Variants in NXN observed in about 807,000 individuals in gnomAD.
NXN encodes nucleoredoxin.
In NXN, 16 loss-of-function variants were observed where a neutral mutation model predicts 48.6. The ratio of observed to expected loss-of-function variants is 0.33; its 90% confidence interval spans 0.22 to 0.50. NXN has a LOEUF of 0.50. NXN is among the 20% of genes least tolerant of loss of function. The probability of loss-of-function intolerance (pLI) is 0.98; values close to 1 mark genes in which losing one functional copy is unlikely to be tolerated. For synonymous variants in NXN, 281 were observed against 269.6 expected, an observed-to-expected ratio of 1.04 and a Z score of -0.41; for missense variants, 492 against 605.5, an observed-to-expected ratio of 0.81 and a Z score of 1.97.
intron 1 of NXN, among the ~76,000 whole-genome samples, chr17:964,361 T>C (rs1214429163): frequency 6.6e-6 from 1 of 152,166 alleles, no homozygotes; most frequent in Non-Finnish European, 1.5e-5. Flanking sequence ...CACTAATTTC[T>C]TCACAAGAAA....
chr17:944,176 T>C (rs1258207268), intron 1 of NXN, among the ~76,000 whole-genome samples: 2 of 151,906 alleles, frequency 1.3e-5, no homozygotes, highest in African/African-American at 2.4e-5. Context: ...GAGGCAGAGG[T>C]TGCAGTGAGC....
rs1346123509 is a variant in NXN at position 958,041 on chromosome 17, C to T, written c.360+21278G>A. On this transcript the variant is annotated intron_variant, in intron 1 of 7. Transcript: ENST00000336868. This position sits in a 1 kb window ranked among gnomAD's most constrained non-coding sequence, Gnocchi z 6.9. ...GTTCCAAACATGCATCCTCTCGCTC[C>T]ATCCTATACTTAGGCGCCTCGGCAG... is the stretch of plus-strand genomic sequence containing the variant. 6.6e-6 allele frequency among the ~76,000 whole-genome samples: 1 copy of T among 152,196 alleles called. No homozygotes were observed. The highest frequency in any genetic ancestry group is 1.5e-5 in the Non-Finnish European group (1 of 68,028).
At chr17:964,716 G>C (rs1037057331) in intron 1 of NXN, among the ~76,000 whole-genome samples, 1 of 152,122 alleles carries the variant, frequency 6.6e-6, no homozygotes, top group Non-Finnish European at 1.5e-5. Flanking sequence ...ACTTGTGTAA[G>C]AAAAGAAACC....
intron 1 of NXN, among the ~76,000 whole-genome samples, chr17:845,172 T>C (rs2067846207): frequency 6.6e-6 from 1 of 151,972 alleles, no homozygotes; most frequent in Admixed American, 6.6e-5. Flanking sequence ...ATCCACTGAA[T>C]TGAGAGTGAG....
intron 1 of NXN, among the ~76,000 whole-genome samples, chr17:963,503 G>C (rs905871298): frequency 7.9e-5 from 12 of 152,144 alleles, no homozygotes; most frequent in African/African-American, 2.7e-4. Context: ...TCAGGGGGCT[G>C]AGGTGGGAGG....
At chr17:886,812 C>T (rs1170458676) in intron 1 of NXN, among the ~76,000 whole-genome samples, 1 of 151,848 alleles carries the variant, frequency 6.6e-6, no homozygotes, top group African/African-American at 2.4e-5. Flanking sequence ...ATACCTCTTA[C>T]TACACTGGAT....
At chr17:833,141 T>C (rs1913587264) in intron 1 of NXN, among the ~76,000 whole-genome samples, 1 of 152,144 alleles carries the variant, frequency 6.6e-6, no homozygotes, top group South Asian at 2.1e-4. Flanking sequence ...TCCGCCCACC[T>C]CAGCCTCCCA....
At chr17:883,893 T>C (rs184093547) in intron 1 of NXN, among the ~76,000 whole-genome samples, 7 of 152,178 alleles carry the variant, frequency 4.6e-5, no homozygotes, top group Non-Finnish European at 1.0e-4. Context: ...GAGCAACATA[T>C]GCAGCCCCCA....
intron 1 of NXN, among the ~76,000 whole-genome samples, chr17:977,120 C>T (rs1400549270): frequency 1.3e-5 from 2 of 152,110 alleles, no homozygotes; most frequent in Non-Finnish European, 2.9e-5. Context: ...AGTATGTGTT[C>T]CATAAGAAGG....
At chr17:842,802 G>A (rs1017613699) in intron 1 of NXN, among the ~76,000 whole-genome samples, 3 of 152,144 alleles carry the variant, frequency 2.0e-5, no homozygotes, top group Non-Finnish European at 2.9e-5. Flanking sequence ...AGCTGGGCGT[G>A]GTTGCACACG....
At chr17:936,667 G>A (rs376731618) in intron 1 of NXN, among the ~76,000 whole-genome samples, 182 of 150,896 alleles carry the variant, frequency 1.2e-3, no homozygotes, top group African/African-American at 3.9e-3. Context: ...AGGGTGCTAC[G>A]ATGTCTGGCT....
At chr17:949,677 GTGGCCTCCTCCTCTCCCCC>G (rs1489835007) in intron 1 of NXN, among the ~76,000 whole-genome samples, 8 of 52,542 alleles carry the variant, frequency 1.5e-4, no homozygotes, top group Non-Finnish European at 2.6e-4. Flanking sequence ...TCCTCTCCCC[GTGGCCTCCTCCTCTCCCCC>G]CTGCCTCCTC....
At chr17:883,113 G>A (rs557361282) in intron 1 of NXN, among the ~76,000 whole-genome samples, 105 of 152,178 alleles carry the variant, frequency 6.9e-4, no homozygotes, top group Admixed American at 1.4e-3. Context: ...CTAGCTACTT[G>A]GGGAAGGCTA....
chr17:857,450 G>A (rs779379551), intron 1 of NXN, among the ~76,000 whole-genome samples: 1 of 152,030 alleles, frequency 6.6e-6, no homozygotes. Flanking sequence ...TAGTAGAGAC[G>A]GGGTTTTGCC....
At chr17:853,721 ATATTTTT>A (rs1385802148) in intron 1 of NXN, among the ~76,000 whole-genome samples, 50 of 105,144 alleles carry the variant, frequency 4.8e-4, no homozygotes, top group African/African-American at 2.1e-3. Flanking sequence ...ATATATATAT[ATATTTTT>A]TTTTTTTTTT....
intron 5 of NXN, among the ~76,000 whole-genome samples, chr17:815,994 G>A (rs985584934): frequency 1.3e-5 from 2 of 152,190 alleles, no homozygotes; most frequent in African/African-American, 2.4e-5. Flanking sequence ...GGGGAACAGG[G>A]ATTAGAAGAA....
intron 1 of NXN, among the ~76,000 whole-genome samples, chr17:954,358 G>T (rs898389292): frequency 6.2e-5 from 9 of 144,758 alleles, no homozygotes; most frequent in South Asian, 4.2e-4. Flanking sequence ...TCCAGCCTTG[G>T]TGACAGAGCA....
In NXN at chr17:885,968, G is replaced by A. The variant is rs559547989; in HGVS notation, c.361-59890C>T. 6.6e-5 allele frequency among the ~76,000 whole-genome samples: 10 copies of A among 152,070 alleles called. No individual in the cohort carries two copies. The South Asian group carries it at 1.0e-3, about 16-fold the overall frequency. On this transcript the variant is annotated intron_variant, in intron 1 of 7. Coordinates refer to ENST00000336868, the MANE Select transcript of NXN (RefSeq NM_022463.5). ...CTCCCAAAGTGCTGGGATTATAGGC[G>A]TGAGCCACCGCGCCCAGCTGTGGTA...
intron 1 of NXN, among the ~76,000 whole-genome samples, chr17:943,509 A>G (rs1404721811): frequency 6.6e-6 from 1 of 152,216 alleles, no homozygotes; most frequent in African/African-American, 2.4e-5. Context: ...CTGGTCATTA[A>G]ATCATATCTT....
Sources: gnomAD v4.1 joint callset for allele counts (sites outside exome capture counted in the v4.1 genomes callset) on GRCh38, gnomAD v4.1.1 for gene constraint, Gnocchi (gnomAD v3.1) non-coding constraint, MANE v1.5 for transcripts, NCBI Gene and HGNC (gene_info 2026-07-23, HGNC 2026-07-21) for gene names.